Variants in UTRN observed in about 807,000 individuals in gnomAD.
The protein encoded by UTRN is utrophin.
Under a neutral mutation model 463.9 loss-of-function variants are expected in UTRN, and 283 were observed. The observed-to-expected ratio is 0.61, with a 90% CI of 0.55 to 0.67. The LOEUF is 0.67. UTRN is among the 30% of genes least tolerant of loss of function. UTRN has a pLI of 0.00. For synonymous variants in UTRN, 1,442 were observed against 1,431.5 expected, an observed-to-expected ratio of 1.01 and a Z score of -0.17; for missense variants, 3,922 against 4,084.3, an observed-to-expected ratio of 0.96 and a Z score of 1.08.
At chr6:144,604,742 G>C (rs771342230) in intron 51 of UTRN, among the ~76,000 whole-genome samples, 63 of 151,716 alleles carry the variant, frequency 4.2e-4, no homozygotes, top group Middle Eastern at 3.2e-3. Context: ...GGTGAAACCC[G>C]ATCTCTACTA....
intron 51 of UTRN, among the ~76,000 whole-genome samples, chr6:144,659,593 G>T (rs182143379): frequency 3.3e-5 from 5 of 152,216 alleles, no homozygotes; most frequent in Non-Finnish European, 7.3e-5. Context: ...GGCTGCTGGT[G>T]TCTGGGAGAG....
At chr6:144,360,829 C>A (rs1779018744) in intron 2 of UTRN, among the ~76,000 whole-genome samples, 1 of 152,180 alleles carries the variant, frequency 6.6e-6, no homozygotes, top group Admixed American at 6.5e-5. Flanking sequence ...TATTGGCCAC[C>A]TTTCCTTCTT....
chr6:144,812,742 T>C lies in UTRN; in HGVS notation c.9358-8140T>C, dbSNP rs574936279. Among the ~76,000 whole-genome samples the C allele has an allele frequency of 1.5e-3, 223 of 152,252 alleles. 1 individual carries two copies. The highest frequency in any genetic ancestry group is 5.1e-3 in the African/African-American group (210 of 41,568). On this transcript the variant is annotated intron_variant, in intron 65 of 74. Coordinates refer to ENST00000367545, the MANE Select transcript of UTRN (RefSeq NM_007124.3). ...TTATTTGATTTCGCCTTAAAAGTGA[T>C]TTTGTTTAGGGTTTTTCTTTAGGGT...
chr6:144,310,468 G>A (rs1185822229), intron 2 of UTRN, among the ~76,000 whole-genome samples: 3 of 151,330 alleles, frequency 2.0e-5, no homozygotes, highest in South Asian at 2.1e-4. Flanking sequence ...CCTGGGAGGC[G>A]GAGGTTGCAG....
chr6:144,300,983 C>T (rs1211957359), intron 2 of UTRN, among the ~76,000 whole-genome samples: 2 of 151,882 alleles, frequency 1.3e-5, no homozygotes, highest in Non-Finnish European at 2.9e-5. Flanking sequence ...TAAATATTGT[C>T]TCAGGGGTGG....
chr6:144,622,186 T>TTTTTG (rs1554308615), intron 51 of UTRN, among the ~76,000 whole-genome samples: 73 of 124,532 alleles, frequency 5.9e-4, no homozygotes, highest in African/African-American at 2.6e-3. Flanking sequence ...TTTTTGTTGT[T>TTTTTG]TTTTTTTTTT....
chr6:144,838,214 C>T (rs1383400150), intron 71 of UTRN, among the ~76,000 whole-genome samples: 2 of 152,206 alleles, frequency 1.3e-5, no homozygotes, highest in Non-Finnish European at 2.9e-5. Context: ...CCTACTCCCT[C>T]CATCCCATTA....
Position 144,756,198 on chromosome 6 carries a change from A to G in UTRN, c.8434+1400A>G, listed in dbSNP as rs1357049451. 3.3e-5 allele frequency among the ~76,000 whole-genome samples: 5 copies of G among 152,174 alleles called. No homozygotes were observed. The East Asian group carries it at 9.6e-4, about 29-fold the overall frequency. On this transcript the variant is annotated intron_variant, in intron 57 of 74. Coordinates refer to ENST00000367545, the MANE Select transcript of UTRN (RefSeq NM_007124.3). ...CAGATTTCTAAAGCTCAGTTTTTCA[A>G]AATGTAAAGCTATGTACCAAGACCA... is the stretch of plus-strand genomic sequence containing the variant.
chr6:144,567,053 G>T (rs1410743930), intron 50 of UTRN, among the ~76,000 whole-genome samples: 1 of 152,028 alleles, frequency 6.6e-6, no homozygotes, highest in Non-Finnish European at 1.5e-5. Flanking sequence ...AGGCTGAGGT[G>T]GTAGGTTCGA....
chr6:144,604,280 A>G (rs1211420556), intron 51 of UTRN, among the ~76,000 whole-genome samples: 2 of 152,164 alleles, frequency 1.3e-5, no homozygotes, highest in African/African-American at 4.8e-5. Flanking sequence ...TAGGATTATG[A>G]GAGAAAAAGA....
At chr6:144,674,142 C>T (rs979285778) in intron 51 of UTRN, among the ~76,000 whole-genome samples, 6 of 151,794 alleles carry the variant, frequency 4.0e-5, no homozygotes, top group African/African-American at 1.2e-4. Context: ...CTTTTTGTGA[C>T]GAATTTCCAA....
intron 51 of UTRN, among the ~76,000 whole-genome samples, chr6:144,653,214 C>T (rs1335177293): frequency 6.6e-6 from 1 of 152,114 alleles, no homozygotes; most frequent in Non-Finnish European, 1.5e-5. Flanking sequence ...AACTACATAT[C>T]ACTCCCCCCC....
intron 10 of UTRN, 30 bp from the exon 11 acceptor site, chr6:144,437,535 C>A: frequency 6.4e-7 from 1 of 1,550,440 alleles, no homozygotes. Flanking sequence ...CACTGAGTAG[C>A]TCACAAATTA....
At chr6:144,794,157 A>G (rs190279886) in intron 63 of UTRN, among the ~76,000 whole-genome samples, 166 bp downstream of exon 63, 21 of 152,352 alleles carry the variant, frequency 1.4e-4, no homozygotes, top group Admixed American at 4.6e-4. Context: ...GCTTCAAAAA[A>G]TAGCAACCCT....
At chr6:144,350,113 C>G (rs780477304) in intron 2 of UTRN, among the ~76,000 whole-genome samples, 4 of 152,126 alleles carry the variant, frequency 2.6e-5, no homozygotes, top group Admixed American at 1.3e-4. Context: ...AGATTGTGAG[C>G]TGGGCAGGAA....
intron 65 of UTRN, among the ~76,000 whole-genome samples, chr6:144,805,813 C>G (rs955923275): frequency 6.8e-6 from 1 of 146,324 alleles, no homozygotes; most frequent in African/African-American, 2.8e-5. Flanking sequence ...TGAAGCTCAC[C>G]CTGAGGCTGG....
intron 58 of UTRN, among the ~76,000 whole-genome samples, chr6:144,758,855 G>C (rs1792313874): frequency 6.6e-6 from 1 of 152,036 alleles, no homozygotes; most frequent in Non-Finnish European, 1.5e-5. Flanking sequence ...TCAGGAGACA[G>C]CTCTGTCTCA....
chr6:144,547,677 G>A (rs1585214344), intron 46 of UTRN, among the ~76,000 whole-genome samples: 1 of 152,192 alleles, frequency 6.6e-6, no homozygotes, highest in East Asian at 1.9e-4. Context: ...CTTCTCTTCT[G>A]TTGGTCTCTT....
intron 52 of UTRN, among the ~76,000 whole-genome samples, chr6:144,688,284 A>T (rs1261244899): frequency 6.6e-6 from 1 of 152,046 alleles, no homozygotes; most frequent in Non-Finnish European, 1.5e-5. Context: ...TTGTTTTTAT[A>T]ACTTCTTTAT....
Sources: allele counts gnomAD v4.1 joint callset (sites outside exome capture counted in the v4.1 genomes callset), GRCh38; gene constraint gnomAD v4.1.1; transcripts MANE v1.5; gene names NCBI Gene and HGNC (gene_info 2026-07-23, HGNC 2026-07-21).